RBFOX1: variants seen among roughly 807,000 people sequenced by gnomAD.
RBFOX1 encodes the protein RNA binding protein fox-1 homolog 1.
RBFOX1 carries 8 observed loss-of-function variants against 57.7 expected under a neutral mutation model. The ratio of observed to expected loss-of-function variants is 0.14; its 90% CI spans 0.08 to 0.25. The LOEUF (loss-of-function observed/expected upper bound fraction) is 0.25. Among genes scored for constraint, RBFOX1 ranks in the 10% least tolerant of loss-of-function variants. The pLI is 1.00. For synonymous variants in RBFOX1, 326 were observed against 222.4 expected, an observed-to-expected ratio of 1.47 and a Z score of -4.15; for missense variants, 611 against 548.5, an observed-to-expected ratio of 1.11 and a Z score of -1.14.
intron 3 of RBFOX1, 93 bp downstream of exon 3, chr16:6,654,743 G>A (rs2098634166): frequency 1.1e-6 from 1 of 926,396 alleles, no homozygotes; most frequent in Admixed American, 3.3e-5. Context: ...TCTCGATGAT[G>A]GTTTTTAGGT....
At chr16:5,744,446 A>C (rs1484981126) in intron 3 of RBFOX1, among the ~76,000 whole-genome samples, 1 of 152,108 alleles carries the variant, frequency 6.6e-6, no homozygotes, top group Non-Finnish European at 1.5e-5. Context: ...TTCCAAATAG[A>C]AGGGCACCCC....
intron 2 of RBFOX1, among the ~76,000 whole-genome samples, chr16:6,604,718 G>C (rs9922632): frequency 0.57 from 86,934 of 151,940 alleles, 25,447 homozygotes; most frequent in African/African-American, 0.69. Flanking sequence ...ACGTATAATT[G>C]TCAGCCCTAT....
At chr16:7,026,550 T>G (rs2041003686) in intron 3 of RBFOX1, among the ~76,000 whole-genome samples, 2 of 152,122 alleles carry the variant, frequency 1.3e-5, no homozygotes, top group African/African-American at 4.8e-5. Context: ...CACAGCTGCT[T>G]CATACGGCTT....
intron 1 of RBFOX1, among the ~76,000 whole-genome samples, chr16:6,079,662 C>A (rs1179940867): frequency 6.6e-6 from 1 of 151,942 alleles, no homozygotes; most frequent in Admixed American, 6.6e-5. Context: ...CAGGGAGACC[C>A]CGTTTCTACA....
chr16:7,563,562 G>A (rs1026837077), intron 5 of RBFOX1, among the ~76,000 whole-genome samples: 1 of 152,110 alleles, frequency 6.6e-6, no homozygotes, highest in African/African-American at 2.4e-5. Context: ...CTGCCTCCCG[G>A]GTTCAGGCAA....
intron 3 of RBFOX1, among the ~76,000 whole-genome samples, chr16:6,800,814 C>A (rs1174216683): frequency 6.6e-6 from 1 of 152,022 alleles, no homozygotes; most frequent in Non-Finnish European, 1.5e-5. Context: ...ATGTGAGTGA[C>A]TGTATAAATA....
At chr16:7,387,443 C>T (rs993913346) in intron 4 of RBFOX1, among the ~76,000 whole-genome samples, 1 of 152,150 alleles carries the variant, frequency 6.6e-6, no homozygotes. Context: ...CATTCATATA[C>T]CCCTGTCTTC....
chr16:5,872,002 C>G (rs146108661), intron 4 of RBFOX1, among the ~76,000 whole-genome samples: 134 of 152,224 alleles, frequency 8.8e-4, no homozygotes, highest in African/African-American at 3.1e-3. Context: ...ATTATTTTTT[C>G]CTTCCAAAAG....
intron 4 of RBFOX1, among the ~76,000 whole-genome samples, chr16:7,257,611 C>T (rs905443616): frequency 1.3e-5 from 2 of 152,180 alleles, no homozygotes; most frequent in African/African-American, 4.8e-5. Flanking sequence ...AGAGCCCCTT[C>T]CCGAGAACTG....
intron 1 of RBFOX1, among the ~76,000 whole-genome samples, chr16:5,445,822 C>G (rs141740013): frequency 6.6e-6 from 1 of 152,194 alleles, no homozygotes; most frequent in African/African-American, 2.4e-5. Context: ...TATGCTAAAT[C>G]GCTTTTAAAC....
intron 1 of RBFOX1, among the ~76,000 whole-genome samples, chr16:6,282,534 C>A (rs2076498315): frequency 6.6e-6 from 1 of 151,974 alleles, no homozygotes; most frequent in Admixed American, 6.5e-5. Flanking sequence ...CTCTCCCGCC[C>A]ATTGCCCACC....
At chr16:7,404,768 C>T (rs769725566) in intron 4 of RBFOX1, among the ~76,000 whole-genome samples, 1 of 152,116 alleles carries the variant, frequency 6.6e-6, no homozygotes, top group Non-Finnish European at 1.5e-5. Flanking sequence ...CTTGTTGTCA[C>T]GTCTTTATCA....
At chr16:5,697,481 G>A (rs976852454) in intron 3 of RBFOX1, among the ~76,000 whole-genome samples, 4 of 150,626 alleles carry the variant, frequency 2.7e-5, no homozygotes, top group Non-Finnish European at 4.4e-5. Flanking sequence ...AGAGGACCAA[G>A]AGAACAATGA....
chr16:6,864,134 G>A (rs114581901), intron 3 of RBFOX1, among the ~76,000 whole-genome samples: 4 of 151,992 alleles, frequency 2.6e-5, no homozygotes, highest in Non-Finnish European at 5.9e-5. Flanking sequence ...TCTTTAGCAG[G>A]AAGAAGGAGG....
At chr16:5,337,873 A>G (rs1400747085) in intron 1 of RBFOX1, among the ~76,000 whole-genome samples, 2 of 152,042 alleles carry the variant, frequency 1.3e-5, no homozygotes, top group Non-Finnish European at 2.9e-5. Flanking sequence ...GTAAGGCCCC[A>G]TCTCTGCAAA....
intron 3 of RBFOX1, among the ~76,000 whole-genome samples, chr16:6,929,588 AT>A (rs2076178504): frequency 6.6e-6 from 1 of 152,078 alleles, no homozygotes; most frequent in Non-Finnish European, 1.5e-5. Flanking sequence ...GGCCGGGGAA[AT>A]TTAATTTTTA....
At chr16:5,733,803 C>G (rs980259855) in intron 3 of RBFOX1, among the ~76,000 whole-genome samples, 63 of 152,022 alleles carry the variant, frequency 4.1e-4, no homozygotes, top group African/African-American at 1.4e-3. Flanking sequence ...TTCCTTCTCA[C>G]CTTTCCTTCC....
chr16:5,686,732 T>C (rs1173947856), intron 3 of RBFOX1, among the ~76,000 whole-genome samples: 1 of 152,158 alleles, frequency 6.6e-6, no homozygotes, highest in African/African-American at 2.4e-5. Context: ...TGCCGAAATA[T>C]AGAATAGATG....
In RBFOX1 at chr16:5,413,497, G is replaced by A. The variant is rs138075530; in HGVS notation, c.220-53719G>A. ...CTCAGTTACAGTAGCCACCACTCCC[G>A]TGTTCATTGCTACCACAGCTGATCA... On this transcript the variant is annotated intron_variant, in intron 1 of 2. Transcript: ENST00000585867. 1.1e-4 allele frequency among the ~76,000 whole-genome samples: 17 copies of A among 152,230 alleles called. 1 individual carries two copies. The highest frequency in any genetic ancestry group is 7.2e-4 in the Admixed American group (11 of 15,284).
Sources: allele counts gnomAD v4.1 joint callset (sites outside exome capture counted in the v4.1 genomes callset), GRCh38; gene constraint gnomAD v4.1.1; transcripts MANE v1.5; gene names NCBI Gene and HGNC (gene_info 2026-07-23, HGNC 2026-07-21).